Variants in FANCB observed in about 807,000 individuals in gnomAD.
FANCB encodes FA complementation group B, also known as Fanconi anemia group B protein.
Under a neutral mutation model 38.9 loss-of-function variants are expected in FANCB, and 5 were observed. The observed-to-expected ratio is 0.13, with a 90% CI of 0.07 to 0.27. The LOEUF is 0.27. Among genes scored for constraint, FANCB ranks in the 10% least tolerant of loss-of-function variants. FANCB has a pLI of 1.00. For synonymous variants in FANCB, 236 were observed against 215.4 expected, an observed-to-expected ratio of 1.10 and a Z score of -0.84; for missense variants, 573 against 602.7, an observed-to-expected ratio of 0.95 and a Z score of 0.52.
At position 14,847,042 on chromosome X, in the gene FANCB, A is replaced by T. The variant is rs182261258; in HGVS notation, c.1497-1756T>A. ...TTATTTTTTAGATACATACACTGGA[A>T]TTGTTACAGATGAAATAATATAATG... On this transcript the variant is annotated intron_variant, in intron 7 of 9. Transcript: ENST00000650831. Among the ~76,000 whole-genome samples, 40 of 110,282 alleles carry T rather than the reference A, an allele frequency of 3.6e-4. No individual in the cohort carries two copies. The East Asian group carries it at 6.5e-3, about 18-fold the overall frequency.
chrX:14,817,096 T>A, the FANCB span, among the ~76,000 whole-genome samples: 1 of 111,559 alleles, frequency 9.0e-6, no homozygotes. Context: ...CTGTGAGAAT[T>A]CCCCACTGTT....
intron 1 of FANCB, among the ~76,000 whole-genome samples, chrX:14,870,301 T>C (rs1291332765): frequency 9.0e-6 from 1 of 111,466 alleles, no homozygotes; most frequent in African/African-American, 3.3e-5. Flanking sequence ...AGTCCAATTA[T>C]AAGCAACCCC....
At chrX:14,791,259 T>C in the FANCB span, among the ~76,000 whole-genome samples, 346 of 112,006 alleles carry the variant, frequency 3.1e-3, 1 homozygote, top group African/African-American at 0.01. Flanking sequence ...TGGTTGGTCC[T>C]AATCCAATAT....
At chrX:14,788,933 A>T in the FANCB span, among the ~76,000 whole-genome samples, 24,726 of 111,126 alleles carry the variant, frequency 0.22, 2,408 homozygotes, top group Non-Finnish European at 0.31. Flanking sequence ...CTTTCTTCAA[A>T]CAAATAACAG....
the FANCB span, among the ~76,000 whole-genome samples, chrX:14,738,529 G>A: frequency 8.9e-5 from 10 of 112,017 alleles, no homozygotes; most frequent in African/African-American, 3.2e-4. Context: ...AGGATATGCT[G>A]TGCCTACTGA....
At chrX:14,731,829 C>CGTTT in the FANCB span, 1 of 111,634 alleles carries the variant, frequency 9.0e-6, no homozygotes, top group Admixed American at 9.5e-5. Context: ...TAGAGGCTTT[C>CGTTT]GTTTTCATTT....
the FANCB span, among the ~76,000 whole-genome samples, chrX:14,704,718 A>G: frequency 8.9e-6 from 1 of 112,005 alleles, no homozygotes; most frequent in African/African-American, 3.2e-5. Flanking sequence ...CTGCCTTCTT[A>G]GTTTTCATTC....
At chrX:14,835,028 C>T (rs769367114), downstream of FANCB, 33 of 587,087 alleles carry the variant, frequency 5.6e-5, no homozygotes, top group African/African-American at 3.5e-4. Context: ...ACTGTAAGAG[C>T]GCTGGTGGTG....
intron 5 of FANCB, among the ~76,000 whole-genome samples, chrX:14,855,715 G>C (rs1172805049): frequency 8.9e-6 from 1 of 112,079 alleles, no homozygotes; most frequent in Non-Finnish European, 1.9e-5. Context: ...TCTGTGGACA[G>C]CTCATTTTCT....
chrX:14,775,173 T>G, the FANCB span, among the ~76,000 whole-genome samples: 855 of 96,571 alleles, frequency 8.9e-3, 16 homozygotes, highest in African/African-American at 0.03. Flanking sequence ...TTTTTTTTTT[T>G]TTTTTTTTTT....
At chrX:14,785,394 T>G in the FANCB span, among the ~76,000 whole-genome samples, 1 of 112,301 alleles carries the variant, frequency 8.9e-6, no homozygotes. Flanking sequence ...TCTGACCTCT[T>G]CTTACACCAC....
the FANCB span, among the ~76,000 whole-genome samples, chrX:14,745,859 C>A: frequency 3.2e-3 from 341 of 107,766 alleles, 1 homozygote; most frequent in African/African-American, 0.01. Flanking sequence ...ACCACCATGA[C>A]CGGCTAATTT....
the FANCB span, among the ~76,000 whole-genome samples, chrX:14,693,461 A>G: frequency 7.1e-5 from 8 of 111,956 alleles, no homozygotes; most frequent in African/African-American, 2.6e-4. Flanking sequence ...ACATGGCCTC[A>G]GAATACACCA....
the FANCB span, among the ~76,000 whole-genome samples, chrX:14,785,092 G>GA: frequency 9.0e-6 from 1 of 111,730 alleles, no homozygotes; most frequent in Non-Finnish European, 1.9e-5. Flanking sequence ...GTGATGGGTT[G>GA]TAAGTGCAGC....
At chrX:14,762,898 A>G in the FANCB span, among the ~76,000 whole-genome samples, 3 of 112,489 alleles carry the variant, frequency 2.7e-5, no homozygotes, top group South Asian at 1.1e-3. Context: ...GAATTTTGAT[A>G]TTTCATTTTA....
chrX:14,847,537 C>A (rs2092381856), intron 7 of FANCB, among the ~76,000 whole-genome samples: 1 of 108,940 alleles, frequency 9.2e-6, no homozygotes, highest in African/African-American at 3.3e-5. Flanking sequence ...CAGAAGGAGA[C>A]AGATACTAGA....
chrX:14,799,437 T>C, the FANCB span, among the ~76,000 whole-genome samples: 9 of 112,460 alleles, frequency 8.0e-5, no homozygotes, highest in African/African-American at 2.9e-4. Flanking sequence ...CAGATCTGTA[T>C]GTATTCTATT....
downstream of FANCB, among the ~76,000 whole-genome samples, chrX:14,840,859 A>C (rs16996983): frequency 0.023 from 2,553 of 111,843 alleles, 63 homozygotes; most frequent in African/African-American, 0.079. Flanking sequence ...CAAAGCAAAA[A>C]ATCTGAATAG....
the FANCB span, among the ~76,000 whole-genome samples, chrX:14,775,834 C>T: frequency 3.6e-5 from 4 of 111,378 alleles, no homozygotes; most frequent in Non-Finnish European, 7.5e-5. Flanking sequence ...CAAGTGTGTC[C>T]AATACTTATG....
Sources: allele counts gnomAD v4.1 joint callset (sites outside exome capture counted in the v4.1 genomes callset), GRCh38; gene constraint gnomAD v4.1.1; transcripts MANE v1.5; gene names NCBI Gene and HGNC (gene_info 2026-07-23, HGNC 2026-07-21).